Variants in ENTHD1 observed in about 807,000 individuals in gnomAD.
The protein encoded by ENTHD1 is ENTH domain containing 1.
ENTHD1 carries 23 observed loss-of-function variants against 39.1 expected under a neutral mutation model. That is an observed-to-expected ratio of 0.59 (90% CI 0.42 to 0.83). The LOEUF (loss-of-function observed/expected upper bound fraction) is 0.83. Among genes scored for constraint, ENTHD1 ranks in the 40% least tolerant of loss-of-function variants. The pLI is 0.00. For missense variants in ENTHD1, 624 were observed against 705.4 expected (o/e 0.88, Z 1.31); for synonymous variants, 230 against 258.2 (o/e 0.89, Z 1.05).
intron 4 of ENTHD1, 132 bp from the exon 5 acceptor site, chr22:39,821,245 C>T: frequency 8.8e-7 from 1 of 1,141,022 alleles, no homozygotes; most frequent in Non-Finnish European, 1.2e-6. Flanking sequence ...TTAACTCAAA[C>T]ATACATCTAT....
At chr22:39,831,976 T>C (rs1197720658) in intron 4 of ENTHD1, among the ~76,000 whole-genome samples, 1 of 152,140 alleles carries the variant, frequency 6.6e-6, no homozygotes, top group Non-Finnish European at 1.5e-5. Context: ...CAAATGGATA[T>C]ACTTAAGAAG....
intron 2 of ENTHD1, among the ~76,000 whole-genome samples, chr22:39,869,638 A>T (rs2066221314): frequency 7.6e-6 from 1 of 130,914 alleles, no homozygotes; most frequent in East Asian, 2.0e-4. Context: ...TTAAAATTGT[A>T]AAAAAAAAAA....
chr22:39,756,889 C>T (rs541771981), intron 6 of ENTHD1, among the ~76,000 whole-genome samples: 6 of 152,050 alleles, frequency 3.9e-5, no homozygotes, highest in East Asian at 1.9e-4. Context: ...ATAGCTTTAC[C>T]GTAAGACTTG....
chr22:39,893,619 A>AC (rs1421004599), intron 1 of ENTHD1, 76 bp downstream of exon 1: 1 of 152,366 alleles, frequency 6.6e-6, no homozygotes, highest in Admixed American at 6.5e-5. Context: ...CCGGCAAGAA[A>AC]CGGGAGGAGG....
intron 6 of ENTHD1, among the ~76,000 whole-genome samples, chr22:39,747,795 A>G (rs1873629433): frequency 2.0e-5 from 3 of 152,094 alleles, no homozygotes; most frequent in Non-Finnish European, 2.9e-5. Flanking sequence ...AGCCCACTTC[A>G]TTAAAAAAAA....
At chr22:39,875,281 A>C (rs1601661789) in intron 2 of ENTHD1, 1 of 1,237,000 alleles carries the variant, frequency 8.1e-7, no homozygotes, top group East Asian at 3.5e-5. Context: ...AAATCTATAC[A>C]GTTAAAGAAA....
intron 6 of ENTHD1, among the ~76,000 whole-genome samples, chr22:39,756,264 T>C (rs960737691): frequency 1.3e-5 from 2 of 151,980 alleles, no homozygotes; most frequent in East Asian, 3.9e-4. Flanking sequence ...TTGTTAAATG[T>C]TGTTAAACCT....
intron 6 of ENTHD1, among the ~76,000 whole-genome samples, chr22:39,763,939 T>C (rs1404083131): frequency 6.6e-6 from 1 of 152,130 alleles, no homozygotes; most frequent in Non-Finnish European, 1.5e-5. Context: ...ACTAACAGGT[T>C]TCCACATCAG....
At chr22:39,802,213 T>A (rs1386901888) in intron 5 of ENTHD1, among the ~76,000 whole-genome samples, 4 of 152,194 alleles carry the variant, frequency 2.6e-5, no homozygotes, top group Non-Finnish European at 5.9e-5. Context: ...AAAAACATGT[T>A]AACAAGAGGA....
At chr22:39,780,088 T>TG (rs1367236770) in intron 5 of ENTHD1, among the ~76,000 whole-genome samples, 2 of 152,000 alleles carry the variant, frequency 1.3e-5, no homozygotes, top group Admixed American at 6.6e-5. Context: ...AATAATACTG[T>TG]GGGGGCTGTG....
intron 2 of ENTHD1, among the ~76,000 whole-genome samples, chr22:39,868,322 G>A (rs1376822317): frequency 6.8e-6 from 1 of 146,070 alleles, no homozygotes; most frequent in Non-Finnish European, 1.5e-5. Flanking sequence ...GACCTGGGTA[G>A]AGGGAACTGG....
chr22:39,800,253 G>A (rs1051935330), intron 5 of ENTHD1, among the ~76,000 whole-genome samples: 38 of 152,164 alleles, frequency 2.5e-4, no homozygotes, highest in African/African-American at 8.4e-4. Context: ...TATGCCTTAG[G>A]TGTTTCCTGT....
chr22:39,857,851 T>G (rs2066107473), intron 3 of ENTHD1, among the ~76,000 whole-genome samples: 1 of 152,192 alleles, frequency 6.6e-6, no homozygotes, highest in Non-Finnish European at 1.5e-5. Context: ...AATACTTTAT[T>G]GCTAATTTAA....
chr22:39,868,468 G>C (rs144848739), intron 2 of ENTHD1, among the ~76,000 whole-genome samples: 7 of 151,466 alleles, frequency 4.6e-5, no homozygotes, highest in Admixed American at 1.3e-4. Context: ...CTAACGCTAA[G>C]AAAGTCAGCC....
intron 2 of ENTHD1, among the ~76,000 whole-genome samples, chr22:39,883,568 T>C (rs1227272140): frequency 6.6e-6 from 1 of 151,708 alleles, no homozygotes; most frequent in Non-Finnish European, 1.5e-5. Context: ...TCTCAACACT[T>C]CTTTCTAGCC....
At chr22:39,773,765 A>T (rs2065345838) in intron 5 of ENTHD1, among the ~76,000 whole-genome samples, 1 of 152,240 alleles carries the variant, frequency 6.6e-6, no homozygotes, top group Non-Finnish European at 1.5e-5. Flanking sequence ...TCAGATTGTA[A>T]GGTTAATTTA....
intron 3 of ENTHD1, among the ~76,000 whole-genome samples, chr22:39,847,407 T>C (rs1020114277): frequency 3.4e-5 from 5 of 146,298 alleles, no homozygotes; most frequent in African/African-American, 1.0e-4. Context: ...CATTAGGAGA[T>C]ACACCTAATG....
chr22:39,752,065 C>G (rs1378232682), intron 6 of ENTHD1, among the ~76,000 whole-genome samples: 1 of 152,096 alleles, frequency 6.6e-6, no homozygotes, highest in African/African-American at 2.4e-5. Context: ...CTCTCTCTCT[C>G]TCTCTCTATA....
intron 3 of ENTHD1, among the ~76,000 whole-genome samples, chr22:39,843,850 G>A (rs987327851): frequency 2.0e-5 from 3 of 152,138 alleles, no homozygotes; most frequent in Non-Finnish European, 4.4e-5. Context: ...TCCCAGAGGA[G>A]GATTCAGTTG....
Sources: allele counts gnomAD v4.1 joint callset (sites outside exome capture counted in the v4.1 genomes callset), GRCh38; gene constraint gnomAD v4.1.1; transcripts MANE v1.5; gene names NCBI Gene and HGNC (gene_info 2026-07-23, HGNC 2026-07-21).